Variants in SLC10A7 observed in about 807,000 individuals in gnomAD.
SLC10A7 encodes solute carrier family 10 member 7.
A neutral mutation model predicts 43.2 loss-of-function variants in SLC10A7; 29 were observed. The observed-to-expected ratio is 0.67, with a 90% CI of 0.50 to 0.92. The LOEUF is 0.92. SLC10A7 is among the 40% of genes least tolerant of loss of function. The pLI is 0.00. For synonymous variants in SLC10A7, 152 were observed against 144.8 expected (o/e 1.05, Z -0.35); for missense variants, 295 against 403.2 (o/e 0.73, Z 2.30).
intron 5 of SLC10A7, among the ~76,000 whole-genome samples, chr4:146,346,520 A>G (rs1203069370): frequency 6.6e-6 from 1 of 152,186 alleles, no homozygotes; most frequent in Non-Finnish European, 1.5e-5. Context: ...ATCAAAATAA[A>G]GCTATGAGCC....
chr4:146,369,917 G>A (rs1736649364), intron 5 of SLC10A7, among the ~76,000 whole-genome samples: 3 of 151,886 alleles, frequency 2.0e-5, no homozygotes. Context: ...AAAAAACCTT[G>A]GAATTCTGCA....
In SLC10A7 at chr4:146,467,562, C is replaced by CTTTT. The variant is rs397995707; in HGVS notation, c.397-24745_397-24742dup. Among the ~76,000 whole-genome samples, 600 of 92,836 alleles carry CTTTT rather than the reference C, an allele frequency of 6.5e-3. 74 individuals are homozygous for CTTTT. Among genetic ancestry groups the CTTTT allele is most frequent in the African/African-American group, 0.018 (427 of 23,756 alleles). 60.9% of individuals were successfully genotyped at this position (92,836 alleles called of 152,430 possible). On this transcript the variant is annotated intron_variant, in intron 4 of 11. Transcript: ENST00000335472. ...TTGCCCTTTTCTTTTTTCTTTCTCT[C>CTTTT]TTTTTTTTTTTTTTTTTTTTTGAGA...
At chr4:146,420,772 C>G (rs1285749238) in intron 5 of SLC10A7, among the ~76,000 whole-genome samples, 1 of 151,944 alleles carries the variant, frequency 6.6e-6, no homozygotes, top group Non-Finnish European at 1.5e-5. Flanking sequence ...TTCCTGTAAT[C>G]CCAGCACTTT....
At chr4:146,355,368 T>A (rs1475805376) in intron 5 of SLC10A7, among the ~76,000 whole-genome samples, 2 of 152,094 alleles carry the variant, frequency 1.3e-5, no homozygotes, top group African/African-American at 4.8e-5. Flanking sequence ...AGAATGGCAA[T>A]CATTAAAAAG....
intron 9 of SLC10A7, among the ~76,000 whole-genome samples, chr4:146,284,893 GGAGA>G (rs887950958): frequency 6.6e-6 from 1 of 152,168 alleles, no homozygotes; most frequent in Non-Finnish European, 1.5e-5. Flanking sequence ...AAAGAGGAGA[GGAGA>G]GAGAAATAGA....
intron 5 of SLC10A7, among the ~76,000 whole-genome samples, chr4:146,333,751 AAG>A (rs1733693502): frequency 6.6e-6 from 1 of 152,078 alleles, no homozygotes; most frequent in African/African-American, 2.4e-5. Flanking sequence ...AAGACACTGG[AAG>A]AGTTTATGCA....
intron 3 of SLC10A7, among the ~76,000 whole-genome samples, chr4:146,505,626 AAC>A (rs1403740292): frequency 1.3e-5 from 2 of 152,208 alleles, no homozygotes; most frequent in Non-Finnish European, 2.9e-5. Context: ...AAAATGTTTA[AAC>A]TCGTTTTGAT....
At chr4:146,479,625 G>A (rs928823191) in intron 4 of SLC10A7, among the ~76,000 whole-genome samples, 4 of 152,086 alleles carry the variant, frequency 2.6e-5, no homozygotes, top group Non-Finnish European at 4.4e-5. Flanking sequence ...AAGGGAGTAT[G>A]GAGACCAGTT....
At chr4:146,372,315 A>G (rs1041199865) in intron 5 of SLC10A7, among the ~76,000 whole-genome samples, 1 of 151,974 alleles carries the variant, frequency 6.6e-6, no homozygotes, top group Non-Finnish European at 1.5e-5. Flanking sequence ...TCAGCTGGAC[A>G]TGGTGGCATA....
intron 5 of SLC10A7, among the ~76,000 whole-genome samples, chr4:146,437,852 A>C (rs543777871): frequency 6.6e-6 from 1 of 152,030 alleles, no homozygotes; most frequent in African/African-American, 2.4e-5. Flanking sequence ...ACCATTCTAA[A>C]TATTTCAGAA....
chr4:146,423,207 A>C (rs1422580812), intron 5 of SLC10A7, among the ~76,000 whole-genome samples: 1 of 152,072 alleles, frequency 6.6e-6, no homozygotes, highest in Non-Finnish European at 1.5e-5. Flanking sequence ...TTTTTTGCTA[A>C]AATTCTAAGT....
intron 4 of SLC10A7, among the ~76,000 whole-genome samples, chr4:146,497,995 T>A (rs1391965911): frequency 6.6e-6 from 1 of 152,088 alleles, no homozygotes; most frequent in Non-Finnish European, 1.5e-5. Flanking sequence ...CAAATATATA[T>A]AGTTTTAAAC....
chr4:146,467,511 A>G (rs185732214), intron 4 of SLC10A7, among the ~76,000 whole-genome samples: 104 of 138,048 alleles, frequency 7.5e-4, no homozygotes, highest in African/African-American at 2.5e-3. Flanking sequence ...ACACACAAAT[A>G]CTTTTTTACT....
intron 5 of SLC10A7, among the ~76,000 whole-genome samples, chr4:146,362,651 AC>A (rs1736126935): frequency 7.4e-6 from 1 of 135,686 alleles, no homozygotes; most frequent in Non-Finnish European, 1.7e-5. Context: ...AAAAATAATA[AC>A]TACAACAATT....
intron 4 of SLC10A7, among the ~76,000 whole-genome samples, chr4:146,489,080 C>G (rs767785083): frequency 2.0e-5 from 3 of 152,094 alleles, no homozygotes; most frequent in Non-Finnish European, 2.9e-5. Context: ...GCTAAATGTG[C>G]CTTGGTGGGG....
chr4:146,411,502 A>G (rs1308794197), intron 5 of SLC10A7, among the ~76,000 whole-genome samples: 11 of 152,152 alleles, frequency 7.2e-5, no homozygotes, highest in Non-Finnish European at 1.3e-4. Context: ...AACCCATACA[A>G]TTAATACTAA....
intron 5 of SLC10A7, among the ~76,000 whole-genome samples, chr4:146,345,696 C>T (rs757842016): frequency 5.9e-5 from 9 of 152,198 alleles, no homozygotes; most frequent in South Asian, 4.1e-4. Flanking sequence ...TTAATGCCTG[C>T]GTCTCCTTCA....
intron 5 of SLC10A7, among the ~76,000 whole-genome samples, chr4:146,357,833 G>A (rs1271255819): frequency 6.6e-6 from 1 of 152,108 alleles, no homozygotes; most frequent in Admixed American, 6.6e-5. Context: ...GCTGGAAGGG[G>A]AGAAGAGCTG....
intron 2 of SLC10A7, among the ~76,000 whole-genome samples, chr4:146,510,942 C>T (rs1274493500): frequency 6.6e-6 from 1 of 152,180 alleles, no homozygotes; most frequent in Admixed American, 6.5e-5. Context: ...TTTGTTAACA[C>T]TAACAGAATA....
Sources: allele counts gnomAD v4.1 joint callset (sites outside exome capture counted in the v4.1 genomes callset), GRCh38; gene constraint gnomAD v4.1.1; transcripts MANE v1.5; gene names NCBI Gene and HGNC (gene_info 2026-07-23, HGNC 2026-07-21).